The following KHDRBS2 variants were observed in gnomAD, a reference collection of about 807,000 sequenced individuals.
The protein encoded by KHDRBS2 is KH domain-containing, RNA-binding, signal transduction-associated protein 2.
KHDRBS2 carries 26 observed loss-of-function variants against 44.3 expected under a neutral mutation model. That is an observed-to-expected ratio of 0.59 (90% CI 0.43 to 0.81). KHDRBS2 has a LOEUF of 0.81. Among genes scored for constraint, KHDRBS2 ranks in the 40% least tolerant of loss-of-function variants. The pLI, the probability that KHDRBS2 is intolerant of heterozygous loss-of-function variation, is 0.00. For synonymous variants in KHDRBS2, 194 were observed against 151.1 expected (o/e 1.28, Z -2.08); for missense variants, 476 against 433.1 (o/e 1.10, Z -0.88).
chr6:61,975,796 G>A lies in KHDRBS2; in HGVS notation c.483+2270C>T, dbSNP rs746654090. Among the ~76,000 whole-genome samples the A allele has an allele frequency of 5.3e-5, 8 of 152,208 alleles. No homozygotes were observed. In the South Asian group the frequency reaches 6.2e-4, roughly 12 times the overall value. ...TAAATAGAGTGGTTAGTGATACTAC[G>A]TTCAAAATATAGTAAGACTGCATGA... On this transcript the variant is annotated intron_variant, in intron 4 of 8. Coordinates refer to ENST00000281156, the MANE Select transcript of KHDRBS2 (RefSeq NM_152688.4).
At chr6:61,974,693 G>A (rs913171555) in intron 4 of KHDRBS2, among the ~76,000 whole-genome samples, 11 of 151,960 alleles carry the variant, frequency 7.2e-5, no homozygotes, top group African/African-American at 2.7e-4. Flanking sequence ...AGCACTTTGG[G>A]AGGCTGAGGC....
intron 7 of KHDRBS2, among the ~76,000 whole-genome samples, chr6:61,716,838 C>T (rs1771518134): frequency 6.6e-6 from 1 of 152,032 alleles, no homozygotes; most frequent in South Asian, 2.1e-4. Flanking sequence ...GGGCTTTTTG[C>T]AACACATCAG....
chr6:62,186,285 A>G (rs1823397966), intron 1 of KHDRBS2, among the ~76,000 whole-genome samples: 1 of 152,134 alleles, frequency 6.6e-6, no homozygotes, highest in Admixed American at 6.6e-5. Flanking sequence ...TGTAAGGATT[A>G]AGTGAGTCAA....
intron 2 of KHDRBS2, among the ~76,000 whole-genome samples, chr6:62,068,727 T>C (rs1039406085): frequency 1.3e-5 from 2 of 151,632 alleles, no homozygotes; most frequent in Non-Finnish European, 3.0e-5. Context: ...TAACCAGTTT[T>C]CCCAGTACCA....
intron 6 of KHDRBS2, among the ~76,000 whole-genome samples, chr6:61,785,648 A>C (rs572606282): frequency 5.9e-5 from 9 of 152,208 alleles, no homozygotes; most frequent in African/African-American, 2.2e-4. Context: ...TTCCAACCAC[A>C]ATAGGAAGAT....
intron 7 of KHDRBS2, among the ~76,000 whole-genome samples, chr6:61,730,241 C>T (rs1364319115): frequency 6.6e-6 from 1 of 152,176 alleles, no homozygotes; most frequent in African/African-American, 2.4e-5. Context: ...ACATTGGTAT[C>T]ACTGCAACTA....
the KHDRBS2 span, among the ~76,000 whole-genome samples, chr6:61,674,701 A>T: frequency 6.6e-6 from 1 of 151,620 alleles, no homozygotes; most frequent in Non-Finnish European, 1.5e-5. Flanking sequence ...TTACTACATG[A>T]TTTTTTTGCA....
chr6:62,201,441 C>T (rs1274126159), intron 1 of KHDRBS2, among the ~76,000 whole-genome samples: 2 of 151,758 alleles, frequency 1.3e-5, no homozygotes, highest in African/African-American at 2.4e-5. Flanking sequence ...TTAAAATATC[C>T]AAAGTATTTT....
chr6:61,838,687 C>T (rs1012850933), intron 6 of KHDRBS2, among the ~76,000 whole-genome samples: 6 of 151,964 alleles, frequency 3.9e-5, no homozygotes, highest in African/African-American at 1.2e-4. Context: ...CTGAATCCAT[C>T]TATTTTGACC....
intron 7 of KHDRBS2, among the ~76,000 whole-genome samples, chr6:61,703,141 T>C (rs1039745913): frequency 1.6e-4 from 24 of 151,850 alleles, no homozygotes; most frequent in African/African-American, 5.1e-4. Flanking sequence ...GTTGTATTTA[T>C]ATAAAATCCA....
intron 6 of KHDRBS2, among the ~76,000 whole-genome samples, chr6:61,858,907 A>T (rs1323595773): frequency 6.6e-6 from 1 of 151,886 alleles, no homozygotes; most frequent in African/African-American, 2.4e-5. Flanking sequence ...AACTTATTGT[A>T]TAGTTGTATA....
intron 3 of KHDRBS2, among the ~76,000 whole-genome samples, chr6:62,034,360 G>A (rs866139875): frequency 2.0e-5 from 3 of 151,650 alleles, no homozygotes; most frequent in South Asian, 2.1e-4. Context: ...AACCAAAGAT[G>A]CACCAAAAGA....
At chr6:61,543,217 A>T in the KHDRBS2 span, among the ~76,000 whole-genome samples, 1 of 152,072 alleles carries the variant, frequency 6.6e-6, no homozygotes, top group Non-Finnish European at 1.5e-5. Context: ...TATCCATCTG[A>T]CAAGGGACTA....
chr6:61,552,138 G>C, the KHDRBS2 span, among the ~76,000 whole-genome samples: 1 of 152,062 alleles, frequency 6.6e-6, no homozygotes, highest in Admixed American at 6.5e-5. Context: ...GATTCCTCCT[G>C]TACATGAGCA....
intron 2 of KHDRBS2, among the ~76,000 whole-genome samples, chr6:62,142,205 G>T (rs1420591686): frequency 1.3e-5 from 2 of 152,154 alleles, no homozygotes; most frequent in Admixed American, 1.3e-4. Context: ...TGAGGTTCCT[G>T]GTTGCCAAAG....
the KHDRBS2 span, among the ~76,000 whole-genome samples, chr6:61,664,163 T>A: frequency 6.6e-6 from 1 of 151,812 alleles, no homozygotes; most frequent in Non-Finnish European, 1.5e-5. Context: ...ATATAAAAGC[T>A]AGCATTTTAA....
At chr6:62,109,802 G>A (rs1804577203) in intron 2 of KHDRBS2, among the ~76,000 whole-genome samples, 2 of 150,484 alleles carry the variant, frequency 1.3e-5, no homozygotes, top group South Asian at 4.2e-4. Flanking sequence ...GGAAGGGAGA[G>A]AGAAAAAGAG....
At position 62,066,063 on chromosome 6, in the gene KHDRBS2, T is replaced by C. The variant is rs190802141; in HGVS notation, c.220-18069A>G. Among the ~76,000 whole-genome samples the C allele has an allele frequency of 4.3e-4, 66 of 151,844 alleles. No individual in the cohort carries two copies. The East Asian group carries it at 5.3e-3, about 12-fold the overall frequency. ...TGTATTCAAAGACACGTCTTTGCCA[T>C]ATTTATACAACTGTATTAGGGGTAC... On this transcript the variant is annotated intron_variant, in intron 2 of 8. Transcript: ENST00000281156.
intron 6 of KHDRBS2, among the ~76,000 whole-genome samples, chr6:61,770,030 A>G (rs1276053516): frequency 6.6e-6 from 1 of 152,148 alleles, no homozygotes; most frequent in African/African-American, 2.4e-5. Flanking sequence ...CGGTTCACCA[A>G]TATCAGCTGT....
Sources: gnomAD v4.1 joint callset for allele counts (sites outside exome capture counted in the v4.1 genomes callset) on GRCh38, gnomAD v4.1.1 for gene constraint, MANE v1.5 for transcripts, NCBI Gene and HGNC (gene_info 2026-07-23, HGNC 2026-07-21) for gene names.